The following SUCLG2 variants were observed in gnomAD, a reference collection of about 807,000 sequenced individuals.
SUCLG2 encodes succinate-CoA ligase GDP-forming subunit beta.
SUCLG2 carries 42 observed loss-of-function variants against 47.9 expected under a neutral mutation model. The ratio of observed to expected loss-of-function variants is 0.88; its 90% CI spans 0.69 to 1.14. SUCLG2 has a LOEUF of 1.14. Among genes scored for constraint, SUCLG2 ranks in the 50% most tolerant of loss-of-function variants. The pLI is 0.00. For synonymous variants in SUCLG2, 195 were observed against 197.3 expected (o/e 0.99, Z 0.10); for missense variants, 571 against 525.9 (o/e 1.09, Z -0.84).
chr3:67,441,318 A>G (rs1013208594), intron 9 of SUCLG2, among the ~76,000 whole-genome samples: 3 of 152,120 alleles, frequency 2.0e-5, no homozygotes, highest in Non-Finnish European at 4.4e-5. Flanking sequence ...TGGCATGTGT[A>G]TAACTATGTA....
chr3:67,426,869 G>A (rs1703315423), intron 9 of SUCLG2, among the ~76,000 whole-genome samples: 2 of 152,160 alleles, frequency 1.3e-5, no homozygotes, highest in Admixed American at 6.5e-5. Flanking sequence ...GGAGGTTGCA[G>A]TGAGCTGAGA....
intron 2 of SUCLG2, among the ~76,000 whole-genome samples, chr3:67,597,154 C>G: frequency 6.6e-6 from 1 of 152,186 alleles, no homozygotes; most frequent in Non-Finnish European, 1.5e-5. Context: ...TGGCATCAGA[C>G]AGGAGGATCA....
intron 9 of SUCLG2, among the ~76,000 whole-genome samples, chr3:67,464,956 A>G (rs986264848): frequency 5.1e-4 from 78 of 152,326 alleles, no homozygotes; most frequent in African/African-American, 1.7e-3. Flanking sequence ...GCCAGGACGA[A>G]TCGGAAGAGG....
chr3:67,362,320 C>T (rs1291251016), intron 10 of SUCLG2, among the ~76,000 whole-genome samples: 6 of 152,160 alleles, frequency 3.9e-5, no homozygotes, highest in African/African-American at 9.7e-5. Context: ...TGGCCCCTTA[C>T]GTTGGCCAGC....
intron 9 of SUCLG2, among the ~76,000 whole-genome samples, chr3:67,477,834 T>C (rs1704807177): frequency 6.6e-6 from 1 of 152,156 alleles, no homozygotes; most frequent in African/African-American, 2.4e-5. Context: ...TGGTACAGAA[T>C]GAATACTTAT....
At chr3:67,411,923 A>G (rs6785877) in intron 9 of SUCLG2, among the ~76,000 whole-genome samples, 2 of 152,156 alleles carry the variant, frequency 1.3e-5, no homozygotes, top group African/African-American at 4.8e-5. Context: ...TCAACACCCC[A>G]TTTGAATTAG....
chr3:67,493,002 C>CA (rs1283255365), intron 9 of SUCLG2, among the ~76,000 whole-genome samples: 4 of 152,160 alleles, frequency 2.6e-5, no homozygotes, highest in Non-Finnish European at 5.9e-5. Flanking sequence ...AAAAGTTTAA[C>CA]AAAAACTGGT....
chr3:67,592,747 A>C (rs1362894071), intron 2 of SUCLG2, among the ~76,000 whole-genome samples: 1 of 150,972 alleles, frequency 6.6e-6, no homozygotes. Flanking sequence ...CAACAAAAAA[A>C]AACTGAATAT....
Position 67,529,154 on chromosome 3 carries a change from A to G in SUCLG2, c.259T>C (p.Leu87=), listed in dbSNP as rs1559559433. The part of the protein sequence containing the change: ...AKEIVLKAQI[L]AGGRGKGVFN... The stretch of plus-strand genomic sequence containing the variant: ...ACACCTTTTCCTCTTCCTCCAGCTA[A>G]GATCTGGGCTTTTAAAACAATTTCT... The change falls in exon 3 of 11, where the codon TTA becomes CTA. Residue 87 remains leucine, a synonymous_variant. Coordinates refer to ENST00000307227, the MANE Select transcript of SUCLG2 (RefSeq NM_003848.4). The G allele has an allele frequency of 6.2e-7, 1 of 1,612,592 alleles. No individual in the cohort carries two copies.
At position 67,438,931 on chromosome 3, in the gene SUCLG2, T is replaced by C. The variant is rs537157974; in HGVS notation, c.1063-38080A>G. Among the ~76,000 whole-genome samples, 8 of 151,820 alleles carry C rather than the reference T, an allele frequency of 5.3e-5. No individual in the cohort carries two copies. The South Asian group carries it at 1.7e-3, about 32-fold the overall frequency. On this transcript the variant is annotated intron_variant, in intron 9 of 10. Coordinates refer to ENST00000307227, the MANE Select transcript of SUCLG2 (RefSeq NM_003848.4). ...ATACCAAAACCTGGAAGAGACACAA[T>C]AAAAAAAGGAAATTTCAGACCAATA...
chr3:67,437,099 A>G (rs1052426077), intron 9 of SUCLG2, among the ~76,000 whole-genome samples: 22 of 152,066 alleles, frequency 1.4e-4, no homozygotes, highest in African/African-American at 5.1e-4. Context: ...TGTTTCTGGG[A>G]GTGGGGAGAA....
intron 2 of SUCLG2, among the ~76,000 whole-genome samples, chr3:67,602,656 T>A (rs894737401): frequency 2.0e-5 from 3 of 152,156 alleles, no homozygotes; most frequent in Admixed American, 6.5e-5. Context: ...GAATGGGATA[T>A]CCTCTTTATA....
chr3:67,625,022 T>C (rs1399522256), intron 1 of SUCLG2, among the ~76,000 whole-genome samples: 1 of 152,174 alleles, frequency 6.6e-6, no homozygotes, highest in Non-Finnish European at 1.5e-5. Flanking sequence ...CCTCTTAAAA[T>C]CAGAGGAGCC....
Position 67,642,333 on chromosome 3 carries a change from G to T in SUCLG2, c.84+12170C>A, listed in dbSNP as rs138399166. On this transcript the variant is annotated intron_variant, in intron 1 of 10. Coordinates refer to ENST00000307227, the MANE Select transcript of SUCLG2 (RefSeq NM_003848.4). The stretch of plus-strand genomic sequence containing the variant: ...TAAAATGGGCTTAGTAGCTAGGCAT[G>T]GTGGCTCACACCCGTAATCTCAGCA... Among the ~76,000 whole-genome samples, 467 of 152,218 alleles carry T rather than the reference G, an allele frequency of 3.1e-3. 2 individuals carry two copies. The highest frequency in any genetic ancestry group is 0.011 in the African/African-American group (452 of 41,546).
At chr3:67,646,687 T>C (rs1701197463) in intron 1 of SUCLG2, among the ~76,000 whole-genome samples, 1 of 151,830 alleles carries the variant, frequency 6.6e-6, no homozygotes, top group Non-Finnish European at 1.5e-5. Flanking sequence ...GAAATATAAG[T>C]AATTGTCACA....
At chr3:67,608,845 T>A (rs1170294139) in intron 2 of SUCLG2, among the ~76,000 whole-genome samples, 1 of 152,070 alleles carries the variant, frequency 6.6e-6, no homozygotes, top group Non-Finnish European at 1.5e-5. Flanking sequence ...ACTAGGCTAA[T>A]TTTTTTAGTT....
At chr3:67,606,143 T>A (rs1700414302) in intron 2 of SUCLG2, among the ~76,000 whole-genome samples, 1 of 152,168 alleles carries the variant, frequency 6.6e-6, no homozygotes, top group Non-Finnish European at 1.5e-5. Context: ...AGTTCGAGAT[T>A]GCACTGAACT....
At chr3:67,587,443 T>C (rs1038944834) in intron 2 of SUCLG2, among the ~76,000 whole-genome samples, 1 of 152,228 alleles carries the variant, frequency 6.6e-6, no homozygotes, top group Non-Finnish European at 1.5e-5. Context: ...CCGTGGCATT[T>C]CTTTTCGTTC....
At chr3:67,460,549 C>T (rs1001439260) in intron 9 of SUCLG2, among the ~76,000 whole-genome samples, 1 of 152,122 alleles carries the variant, frequency 6.6e-6, no homozygotes, top group African/African-American at 2.4e-5. Flanking sequence ...TCCATCAAAG[C>T]CCTCTTGATC....
Sources: gnomAD v4.1 joint callset for allele counts (sites outside exome capture counted in the v4.1 genomes callset) on GRCh38, gnomAD v4.1.1 for gene constraint, MANE v1.5 for transcripts, NCBI Gene and HGNC (gene_info 2026-07-23, HGNC 2026-07-21) for gene names.